Variants in KIAA1217 observed in about 807,000 individuals in gnomAD.
KIAA1217 encodes the protein KIAA1217.
A neutral mutation model predicts 163.9 loss-of-function variants in KIAA1217; 88 were observed. The observed-to-expected ratio is 0.54, with a 90% CI of 0.45 to 0.64. KIAA1217 has a LOEUF of 0.64. Ranked by LOEUF, KIAA1217 falls within the 30% of genes least tolerant of loss-of-function variation. The probability of loss-of-function intolerance (pLI) is 0.00; values close to 1 mark genes in which losing one functional copy is unlikely to be tolerated. For missense variants in KIAA1217, 2,372 were observed against 2,475.0 expected (o/e 0.96, Z 0.88); for synonymous variants, 903 against 923.1 (o/e 0.98, Z 0.39).
intron 20 of KIAA1217, 141 bp from the exon 21 acceptor site, chr10:24,545,686 A>C: frequency 1.4e-6 from 2 of 1,464,324 alleles, no homozygotes; most frequent in Non-Finnish European, 1.8e-6. Context: ...GAGCACAACA[A>C]GACTTAGCTC....
At chr10:23,869,225 T>G (rs1840346915) in intron 1 of KIAA1217, among the ~76,000 whole-genome samples, 1 of 147,036 alleles carries the variant, frequency 6.8e-6, no homozygotes, top group African/African-American at 2.6e-5. Context: ...AGCAGCAGTA[T>G]GGAAAATAGA....
intron 3 of KIAA1217, among the ~76,000 whole-genome samples, chr10:24,414,983 A>G (rs2058108268): frequency 6.6e-6 from 1 of 152,110 alleles, no homozygotes; most frequent in Non-Finnish European, 1.5e-5. Flanking sequence ...TTGGAAAGCT[A>G]GGTTTGTGAA....
rs553912304 is a variant in KIAA1217 at position 24,424,540 on chromosome 10, C to T, written c.554-8455C>T. On this transcript the variant is annotated intron_variant, in intron 3 of 20. Transcript: ENST00000376454. Reference sequence around the variant, plus strand: ...TTAATGAAGCCATTTCTACCGTTGCCTCTAGGGTACCTCTAAGTACGTTAT... The same window carrying T: ...TTAATGAAGCCATTTCTACCGTTGCTTCTAGGGTACCTCTAAGTACGTTAT... 3.3e-5 allele frequency among the ~76,000 whole-genome samples: 5 copies of T among 152,292 alleles called. No homozygotes were observed. The East Asian group carries it at 5.8e-4, about 18-fold the overall frequency.
At chr10:23,736,051 A>T (rs894291915) in intron 1 of KIAA1217, among the ~76,000 whole-genome samples, 19 of 152,220 alleles carry the variant, frequency 1.2e-4, no homozygotes, top group African/African-American at 4.6e-4. Flanking sequence ...ACTACTTCAC[A>T]TGCCAGCTGG....
rs531398214 is a variant in KIAA1217, at chr10:23,960,367, C to T, written c.-320-46858C>T. 4.6e-5 allele frequency among the ~76,000 whole-genome samples: 7 copies of T among 152,322 alleles called. No homozygotes were observed. In the South Asian group the frequency reaches 1.5e-3, roughly 32 times the overall value. ...TCTGCCTCCCAGTTCCAGCAATTCT[C>T]CTGCCTCAGCCTCCTGAGTAGCCGG... On this transcript the variant is annotated intron_variant, in intron 1 of 18. Coordinates refer to the KIAA1217 transcript ENST00000376462.
At chr10:24,332,779 T>C (rs951425868) in intron 2 of KIAA1217, among the ~76,000 whole-genome samples, 5 of 152,056 alleles carry the variant, frequency 3.3e-5, no homozygotes, top group African/African-American at 1.2e-4. Flanking sequence ...GTAAAGAGGG[T>C]CATATTAAGA....
chr10:23,859,971 A>G (rs1165433850), intron 1 of KIAA1217, among the ~76,000 whole-genome samples: 1 of 152,062 alleles, frequency 6.6e-6, no homozygotes, highest in African/African-American at 2.4e-5. Context: ...ACTCCTTGTC[A>G]TATGCTCATT....
chr10:24,518,424 C>T (rs1169039279), intron 10 of KIAA1217, among the ~76,000 whole-genome samples: 7 of 152,084 alleles, frequency 4.6e-5, no homozygotes, highest in Admixed American at 2.0e-4. Flanking sequence ...TAAGCGTCTC[C>T]GTATGCAAGG....
chr10:24,477,530 G>C (rs1465136982), intron 6 of KIAA1217, among the ~76,000 whole-genome samples: 18 of 152,204 alleles, frequency 1.2e-4, no homozygotes. Flanking sequence ...GTTAATTCAG[G>C]AGTGAATTCT....
intron 1 of KIAA1217, among the ~76,000 whole-genome samples, chr10:23,810,313 T>C (rs1836940001): frequency 6.8e-6 from 1 of 147,972 alleles, no homozygotes. Context: ...TATATATGTG[T>C]AGATATCTAT....
At chr10:23,870,630 CA>C (rs1264908582) in intron 1 of KIAA1217, among the ~76,000 whole-genome samples, 1 of 152,070 alleles carries the variant, frequency 6.6e-6, no homozygotes, top group Non-Finnish European at 1.5e-5. Context: ...TACTTTAAAT[CA>C]CCTAATTCTC....
chr10:24,131,281 T>C (rs1269339383), intron 2 of KIAA1217, among the ~76,000 whole-genome samples: 1 of 152,240 alleles, frequency 6.6e-6, no homozygotes, highest in Non-Finnish European at 1.5e-5. Flanking sequence ...CTGGGAACAC[T>C]GAAGCAAAGA....
chr10:24,030,613 C>A (rs1043466325), intron 2 of KIAA1217, among the ~76,000 whole-genome samples: 3 of 152,116 alleles, frequency 2.0e-5, no homozygotes, highest in African/African-American at 4.8e-5. Context: ...CCATCTGTCT[C>A]TGGAACTTTT....
At position 24,520,210 on chromosome 10, in the gene KIAA1217, T is replaced by C. The variant is rs1368674271; in HGVS notation, c.2265T>C (p.Ala755=). Residue 755 remains alanine, a synonymous_variant, in exon 11 of 21, where the codon GCT becomes GCC. Coordinates refer to ENST00000376454, the MANE Select transcript of KIAA1217 (RefSeq NM_019590.5). The part of the protein sequence containing the change: ...LVTLKDVEDG[A]FLLRQVGEAV... ...CTCTGAAAGACGTGGAAGACGGGGC[T>C]TTCCTCCTGCGTCAAGTGGGAGAGG... 1.2e-6 allele frequency: 2 copies of C among 1,614,016 alleles called. No individual in the cohort carries two copies. Among genetic ancestry groups the C allele is most frequent in the Non-Finnish European group, 1.7e-6 (2 of 1,180,016 alleles).
At chr10:24,500,187 G>GTGTGTA in intron 8 of KIAA1217, among the ~76,000 whole-genome samples, 1 of 104,106 alleles carries the variant, frequency 9.6e-6, no homozygotes, top group Non-Finnish European at 2.2e-5. Flanking sequence ...GAACAGAAGT[G>GTGTGTA]TGTGTGTGTG....
intron 2 of KIAA1217, among the ~76,000 whole-genome samples, chr10:24,223,706 AG>A (rs2069995731): frequency 1.4e-5 from 2 of 146,888 alleles, no homozygotes; most frequent in African/African-American, 5.1e-5. Flanking sequence ...CTTAAAATCT[AG>A]GTTCTTTTTT....
intron 1 of KIAA1217, among the ~76,000 whole-genome samples, chr10:23,739,013 G>A (rs1427919163): frequency 6.6e-6 from 1 of 152,172 alleles, no homozygotes; most frequent in African/African-American, 2.4e-5. Context: ...AGAAGGTAAA[G>A]AATGATTGGA....
At chr10:24,003,243 T>C (rs1323922603) in intron 1 of KIAA1217, among the ~76,000 whole-genome samples, 2 of 152,224 alleles carry the variant, frequency 1.3e-5, no homozygotes, top group Non-Finnish European at 2.9e-5. Flanking sequence ...CCGTTTTCCA[T>C]AGTAGTTGTA....
intron 5 of KIAA1217, among the ~76,000 whole-genome samples, chr10:24,440,608 TGTGCTGTGG>T (rs1426032226): frequency 6.6e-6 from 1 of 152,194 alleles, no homozygotes; most frequent in Non-Finnish European, 1.5e-5. Context: ...ATGCAGAACA[TGTGCTGTGG>T]GTTTCTGCAG....
Sources: gnomAD v4.1 joint callset for allele counts (sites outside exome capture counted in the v4.1 genomes callset) on GRCh38, gnomAD v4.1.1 for gene constraint, MANE v1.5 for transcripts, NCBI Gene and HGNC (gene_info 2026-07-23, HGNC 2026-07-21) for gene names.